EVC2: variants seen among roughly 807,000 people sequenced by gnomAD.
EVC2 encodes EvC ciliary complex subunit 2.
EVC2 carries 148 observed loss-of-function variants against 149.3 expected under a neutral mutation model. The observed-to-expected ratio is 0.99, with a 90% CI of 0.87 to 1.14. The LOEUF is 1.14. EVC2 is among the 50% of genes most tolerant of loss of function. The pLI is 0.00. For synonymous variants in EVC2, 776 were observed against 649.9 expected (o/e 1.19, Z -2.95); for missense variants, 1,854 against 1,627.3 (o/e 1.14, Z -2.40).
At chr4:5,669,094 G>A (rs1453728925) in intron 7 of EVC2, among the ~76,000 whole-genome samples, 1 of 152,186 alleles carries the variant, frequency 6.6e-6, no homozygotes, top group African/African-American at 2.4e-5. Flanking sequence ...GGATTTCTGA[G>A]CCACCAGAAG....
chr4:5,629,574 C>T (rs116016841), intron 11 of EVC2, among the ~76,000 whole-genome samples: 5 of 152,346 alleles, frequency 3.3e-5, no homozygotes, highest in South Asian at 2.1e-4. Context: ...CAATGGATAA[C>T]CAAAAGTGTC....
At position 5,618,338 on chromosome 4, in the gene EVC2, C is replaced by A. The variant is rs1715422693; in HGVS notation, c.2706+140G>T. The A allele has an allele frequency of 1.1e-5, 10 of 933,620 alleles. No homozygotes were observed. The highest frequency in any genetic ancestry group is 1.7e-5 in the Non-Finnish European group (10 of 590,474). 57.8% of individuals were successfully genotyped at this position (933,620 alleles called of 1,614,324 possible). On this transcript the variant is annotated intron_variant, in intron 15 of 21. Coordinates refer to ENST00000344408, the MANE Select transcript of EVC2 (RefSeq NM_147127.5). This position sits in a 1 kb window ranked among gnomAD's most constrained non-coding sequence, Gnocchi z 4.4. ...CCTGGAGATTCCTGGAATAGCTGGA[C>A]ACCAATGCAGCCAGAGAGGAGAGGA...
At chr4:5,656,944 A>T (rs73794702) in intron 9 of EVC2, among the ~76,000 whole-genome samples, 5,361 of 152,268 alleles carry the variant, frequency 0.035, 321 homozygotes, top group African/African-American at 0.12. Context: ...TGAGGTCAGC[A>T]CTGCATCCCA....
intron 16 of EVC2, among the ~76,000 whole-genome samples, chr4:5,605,159 G>A (rs1373925187): frequency 1.3e-5 from 2 of 152,160 alleles, no homozygotes; most frequent in African/African-American, 4.8e-5. Flanking sequence ...TAAGGCTTCT[G>A]TCAACAGTAG....
intron 9 of EVC2, among the ~76,000 whole-genome samples, chr4:5,662,411 A>T (rs1179811294): frequency 3.6e-5 from 4 of 111,360 alleles, no homozygotes; most frequent in Non-Finnish European, 8.2e-5. Context: ...AATAAATAAA[A>T]AAATTGTTAT....
chr4:5,690,042 T>A (rs1721003571), intron 4 of EVC2, among the ~76,000 whole-genome samples: 1 of 152,140 alleles, frequency 6.6e-6, no homozygotes, highest in Non-Finnish European at 1.5e-5. Flanking sequence ...TAAGAAGTGA[T>A]AAAAGAAAGC....
intron 16 of EVC2, among the ~76,000 whole-genome samples, chr4:5,585,743 GCCCC>G (rs1311435219): frequency 6.6e-6 from 1 of 151,730 alleles, no homozygotes; most frequent in Non-Finnish European, 1.5e-5. Context: ...CCCACCCCCT[GCCCC>G]CCACTTAGCA....
intron 20 of EVC2, among the ~76,000 whole-genome samples, chr4:5,566,011 G>C (rs528893434): frequency 6.6e-6 from 1 of 152,216 alleles, no homozygotes; most frequent in African/African-American, 2.4e-5. Context: ...AATGCTCTAC[G>C]CAAGCAGGGC....
At chr4:5,542,811 C>T (rs1026650506) in exon 23 of EVC2, 1 of 218,722 alleles carries the variant, frequency 4.6e-6, no homozygotes, top group East Asian at 1.3e-4. Context: ...TCATCCTCGT[C>T]ATGAGGGCCA....
At chr4:5,556,896 T>C (rs116648050) in intron 21 of EVC2, among the ~76,000 whole-genome samples, 1 of 140,892 alleles carries the variant, frequency 7.1e-6, no homozygotes, top group Admixed American at 7.5e-5. Context: ...GGAGATAACC[T>C]AAATAAACCA....
chr4:5,532,487 A>C, the EVC2 span, among the ~76,000 whole-genome samples: 1 of 152,188 alleles, frequency 6.6e-6, no homozygotes, highest in African/African-American at 2.4e-5. Flanking sequence ...ACACAGATAC[A>C]ACAGACCCAA....
intron 11 of EVC2, among the ~76,000 whole-genome samples, chr4:5,630,940 G>A (rs6822329): frequency 0.06 from 9,185 of 152,244 alleles, 899 homozygotes; most frequent in African/African-American, 0.2. Flanking sequence ...GACAGCGCTG[G>A]AGCCAAACAA....
At chr4:5,588,258 A>G (rs1712475681) in intron 16 of EVC2, among the ~76,000 whole-genome samples, 1 of 152,184 alleles carries the variant, frequency 6.6e-6, no homozygotes, top group South Asian at 2.1e-4. Context: ...ATCGGCTGTC[A>G]ACCTGCTCTT....
chr4:5,536,370 G>A, the EVC2 span, among the ~76,000 whole-genome samples: 6,315 of 152,050 alleles, frequency 0.042, 262 homozygotes, highest in African/African-American at 0.099. Context: ...TAATAATTTA[G>A]AAGCAATAAG....
rs765407652 is a variant in EVC2, at chr4:5,614,716, G to A, written c.2829+706C>T. 2.0e-5 allele frequency among the ~76,000 whole-genome samples: 3 copies of A among 152,110 alleles called. No homozygotes were observed. Among genetic ancestry groups the A allele is most frequent in the Non-Finnish European group, 4.4e-5 (3 of 68,024 alleles). On this transcript the variant is annotated intron_variant, in intron 16 of 21. Coordinates refer to ENST00000344408, the MANE Select transcript of EVC2 (RefSeq NM_147127.5). The surrounding 1 kb of genome is among the most constrained non-coding windows in gnomAD (Gnocchi z 4.7). Reference sequence around the variant, plus strand: ...GGCTGGGCCAGGCACAGTGCCTCACGCCTGTAATCCCAGCACTTTGGGAAG... The same window carrying A: ...GGCTGGGCCAGGCACAGTGCCTCACACCTGTAATCCCAGCACTTTGGGAAG...
chr4:5,640,119 A>G lies in EVC2; in HGVS notation c.1470+395T>C, dbSNP rs1717208130. 6.6e-6 allele frequency among the ~76,000 whole-genome samples: 1 copy of G among 151,948 alleles called. No individual in the cohort carries two copies. The highest frequency in any genetic ancestry group is 1.5e-5 in the Non-Finnish European group (1 of 67,978). On this transcript the variant is annotated intron_variant, in intron 10 of 21. Transcript: ENST00000344408. This position sits in a 1 kb window ranked among gnomAD's most constrained non-coding sequence, Gnocchi z 4.6. ...GGATGGGTAGAAGGCTAGATGGGGA[A>G]TAAGTGGATGGGTAAATTGTTGGAT...
At chr4:5,697,494 AG>A in intron 2 of EVC2, 98 bp downstream of exon 2, 1 of 1,194,376 alleles carries the variant, frequency 8.4e-7, no homozygotes, top group South Asian at 1.3e-5. Flanking sequence ...AGGTGCTGGA[AG>A]GATCAGCAGA....
intron 17 of EVC2, among the ~76,000 whole-genome samples, chr4:5,583,415 T>C (rs1440931347): frequency 6.6e-6 from 1 of 152,242 alleles, no homozygotes; most frequent in African/African-American, 2.4e-5. Context: ...GAATAATTCA[T>C]ATATGAGACT....
Position 5,563,064 on chromosome 4 carries a change from T to G in EVC2, c.3711A>C (p.Gly1237=). 1 of 1,614,150 alleles carries G rather than the reference T, an allele frequency of 6.2e-7. No homozygotes were observed. The highest frequency in any genetic ancestry group is 8.5e-7 in the Non-Finnish European group (1 of 1,180,016). Residue 1237 remains glycine, a synonymous_variant, in exon 22 of 22, where the codon GGA becomes GGC. Coordinates refer to ENST00000344408, the MANE Select transcript of EVC2 (RefSeq NM_147127.5). ...LPLRERMIFS[G]KGSWPHLSLE... ...GTGACAGGTGTGGCCAACTTCCTTT[T>G]CCAGAGAATATCATCCTCTCTCTGA...
Sources: allele counts gnomAD v4.1 joint callset (sites outside exome capture counted in the v4.1 genomes callset), GRCh38; gene constraint gnomAD v4.1.1; non-coding constraint Gnocchi (gnomAD v3.1); transcripts MANE v1.5; gene names NCBI Gene and HGNC (gene_info 2026-07-23, HGNC 2026-07-21).